Variants in JAZF1 observed in about 807,000 individuals in gnomAD.
The protein encoded by JAZF1 is juxtaposed with another zinc finger protein 1.
Under a neutral mutation model 26.4 loss-of-function variants are expected in JAZF1, and 8 were observed. The ratio of observed to expected loss-of-function variants is 0.30; its 90% CI spans 0.18 to 0.55. The LOEUF (loss-of-function observed/expected upper bound fraction) is 0.55, where lower values mean the gene tolerates loss of function less well. Among genes scored for constraint, JAZF1 ranks in the 20% least tolerant of loss-of-function variants. The pLI, the probability that JAZF1 is intolerant of heterozygous loss-of-function variation, is 0.94. For synonymous variants in JAZF1, 126 were observed against 122.3 expected (o/e 1.03, Z -0.20); for missense variants, 199 against 322.0 (o/e 0.62, Z 2.92).
At chr7:27,933,535 G>T (rs1784718205) in intron 2 of JAZF1, among the ~76,000 whole-genome samples, 1 of 152,198 alleles carries the variant, frequency 6.6e-6, no homozygotes, top group African/African-American at 2.4e-5. Context: ...AGGTTGTTTG[G>T]CTATAGATTT....
intron 1 of JAZF1, among the ~76,000 whole-genome samples, chr7:28,070,578 G>A (rs1345018955): frequency 1.3e-5 from 2 of 152,232 alleles, no homozygotes; most frequent in African/African-American, 2.4e-5. Flanking sequence ...CCGGCTCCGG[G>A]CAGGCTGTCA....
chr7:27,880,971 G>C (rs1783758990), intron 3 of JAZF1, among the ~76,000 whole-genome samples: 1 of 152,176 alleles, frequency 6.6e-6, no homozygotes, highest in Non-Finnish European at 1.5e-5. Context: ...CACTGTGCCT[G>C]GCCTGAACTT....
chr7:27,881,704 G>A (rs976858749), intron 3 of JAZF1, among the ~76,000 whole-genome samples: 4 of 152,190 alleles, frequency 2.6e-5, no homozygotes, highest in African/African-American at 9.7e-5. Context: ...CACACTGTTA[G>A]TTCAGCCTGG....
intron 1 of JAZF1, among the ~76,000 whole-genome samples, chr7:28,122,784 G>A (rs1382607490): frequency 6.6e-6 from 1 of 152,064 alleles, no homozygotes; most frequent in Non-Finnish European, 1.5e-5. Flanking sequence ...CCCCTCCATA[G>A]TTATAGGGAG....
Position 27,840,503 on chromosome 7 carries a change from A to T in JAZF1, c.555+195T>A, listed in dbSNP as rs911292818. ...GAGCAGAGGGGAAAGCCCCGGCAGCAGCGGTGGCGGGTGAGCACTTCCTTG... is the reference window on the plus strand; with the variant it reads ...GAGCAGAGGGGAAAGCCCCGGCAGCTGCGGTGGCGGGTGAGCACTTCCTTG... On this transcript the variant is annotated intron_variant, in intron 4 of 4. Transcript: ENST00000283928. This position sits in a 1 kb window ranked among gnomAD's most constrained non-coding sequence, Gnocchi z 5.1. Among the ~76,000 whole-genome samples, 4 of 152,258 alleles carry T rather than the reference A, an allele frequency of 2.6e-5. No homozygotes were observed. Among genetic ancestry groups the T allele is most frequent in the Admixed American group, 2.0e-4 (3 of 15,290 alleles).
At chr7:27,965,202 C>T (rs1414429994) in intron 2 of JAZF1, among the ~76,000 whole-genome samples, 1 of 152,148 alleles carries the variant, frequency 6.6e-6, no homozygotes, top group Non-Finnish European at 1.5e-5. Context: ...TTTTTCCAGT[C>T]ATTGTACACC....
intron 1 of JAZF1, among the ~76,000 whole-genome samples, chr7:28,140,064 A>C (rs1320553098): frequency 6.7e-6 from 1 of 148,468 alleles, no homozygotes; most frequent in East Asian, 2.0e-4. Flanking sequence ...AGCTCCTATA[A>C]AAGTTGAAAG....
At chr7:28,021,413 C>T (rs74346353) in intron 1 of JAZF1, among the ~76,000 whole-genome samples, 4,692 of 152,206 alleles carry the variant, frequency 0.031, 92 homozygotes, top group South Asian at 0.081. Context: ...CTCTGAAAAG[C>T]AGGGATGAAA....
chr7:27,929,153 C>G (rs1260896241), intron 2 of JAZF1, among the ~76,000 whole-genome samples: 3 of 152,236 alleles, frequency 2.0e-5, no homozygotes, highest in African/African-American at 7.2e-5. Context: ...AAGCAGTCTT[C>G]TAGGAGCCAG....
chr7:27,845,400 C>G lies in JAZF1; in HGVS notation c.386-4533G>C, dbSNP rs147120254. On this transcript the variant is annotated intron_variant, in intron 3 of 4. Coordinates refer to ENST00000283928, the MANE Select transcript of JAZF1 (RefSeq NM_175061.4). The stretch of plus-strand genomic sequence containing the variant: ...GAATCCCACGCTCATCTTGGTGTCT[C>G]AGAAGTTAGTGACTAGGGCTGGGCG... Among the ~76,000 whole-genome samples, 648 of 152,176 alleles carry G rather than the reference C, an allele frequency of 4.3e-3. 5 individuals carry two copies. The highest frequency in any genetic ancestry group is 0.014 in the African/African-American group (594 of 41,514).
At chr7:27,876,520 T>C (rs1466342900) in intron 3 of JAZF1, among the ~76,000 whole-genome samples, 1 of 152,142 alleles carries the variant, frequency 6.6e-6, no homozygotes, top group Admixed American at 6.5e-5. Flanking sequence ...GCTAAGTACT[T>C]AAAGCAGAAA....
chr7:27,999,657 A>G (rs1786967898), intron 1 of JAZF1, among the ~76,000 whole-genome samples: 1 of 152,180 alleles, frequency 6.6e-6, no homozygotes, highest in Admixed American at 6.5e-5. Flanking sequence ...ATTAAAATGG[A>G]AGCTCCTTAA....
intron 1 of JAZF1, among the ~76,000 whole-genome samples, chr7:28,132,653 G>A (rs1252031639): frequency 6.6e-6 from 1 of 152,126 alleles, no homozygotes; most frequent in African/African-American, 2.4e-5. Flanking sequence ...GCATTATTCA[G>A]AATTACCCTG....
intron 2 of JAZF1, among the ~76,000 whole-genome samples, chr7:27,987,574 C>A (rs1014675575): frequency 2.0e-5 from 3 of 150,264 alleles, no homozygotes; most frequent in Admixed American, 6.6e-5. Context: ...AGGTGGGGGG[C>A]AGCCCCCGCC....
intron 1 of JAZF1, among the ~76,000 whole-genome samples, chr7:28,131,996 G>C (rs1239136883): frequency 6.7e-6 from 1 of 150,124 alleles, no homozygotes; most frequent in African/African-American, 2.4e-5. Flanking sequence ...ATATTGATTT[G>C]AAAAAAAAAT....
rs367832721 is a variant in JAZF1, at chr7:27,891,075, C to T, written c.385+4145G>A. ...AAAGTGCTGGGATTACAGGCGTGAG[C>T]GACCGTGCCTGGCCCATGTTACTAC... On this transcript the variant is annotated intron_variant, in intron 3 of 4. Coordinates refer to ENST00000283928, the MANE Select transcript of JAZF1 (RefSeq NM_175061.4). 4.3e-4 allele frequency among the ~76,000 whole-genome samples: 65 copies of T among 152,224 alleles called. No homozygotes were observed. In the Middle Eastern group the frequency reaches 0.02, roughly 48 times the overall value.
intron 1 of JAZF1, among the ~76,000 whole-genome samples, chr7:28,160,104 A>T (rs1783258573): frequency 6.6e-6 from 1 of 152,176 alleles, no homozygotes; most frequent in African/African-American, 2.4e-5. Context: ...CTCTAAGTGT[A>T]AAGCACAGAT....
At chr7:28,134,662 A>G (rs1782850888) in intron 1 of JAZF1, among the ~76,000 whole-genome samples, 2 of 151,800 alleles carry the variant, frequency 1.3e-5, no homozygotes, top group South Asian at 4.2e-4. Context: ...AAGAAATACA[A>G]CAGGATCCTG....
chr7:28,089,213 A>G (rs1260282665), intron 1 of JAZF1, among the ~76,000 whole-genome samples: 6 of 152,244 alleles, frequency 3.9e-5, no homozygotes, highest in Admixed American at 6.5e-5. Context: ...TAATTAGATC[A>G]TAAGAGTGGA....
Sources: gnomAD v4.1 joint callset for allele counts (sites outside exome capture counted in the v4.1 genomes callset) on GRCh38, gnomAD v4.1.1 for gene constraint, Gnocchi (gnomAD v3.1) non-coding constraint, MANE v1.5 for transcripts, NCBI Gene and HGNC (gene_info 2026-07-23, HGNC 2026-07-21) for gene names.